Variants in DNAH11 observed in about 807,000 individuals in gnomAD.
The protein encoded by DNAH11 is dynein axonemal heavy chain 11, also known as axonemal beta dynein heavy chain 11.
A neutral mutation model predicts 526.0 loss-of-function variants in DNAH11; 442 were observed. The ratio of observed to expected loss-of-function variants is 0.84; its 90% CI spans 0.78 to 0.91. DNAH11 has a LOEUF of 0.91. Among genes scored for constraint, DNAH11 ranks in the 40% least tolerant of loss-of-function variants. The pLI is 0.00. For synonymous variants in DNAH11, 2,461 were observed against 1,935.9 expected (o/e 1.27, Z -7.12); for missense variants, 6,989 against 5,448.7 (o/e 1.28, Z -8.90).
intron 58 of DNAH11, among the ~76,000 whole-genome samples, chr7:21,785,060 G>A (rs1462196706): frequency 1.3e-5 from 2 of 152,186 alleles, no homozygotes; most frequent in Non-Finnish European, 1.5e-5. Context: ...AAAGTAAGCT[G>A]TGTTCATCAC....
chr7:21,830,163 AAAT>A (rs1450518785), intron 65 of DNAH11, among the ~76,000 whole-genome samples: 1 of 152,222 alleles, frequency 6.6e-6, no homozygotes, highest in African/African-American at 2.4e-5. Context: ...CATTATTATA[AAAT>A]AATTCATTTG....
intron 67 of DNAH11, among the ~76,000 whole-genome samples, chr7:21,853,589 A>G (rs1390225396): frequency 6.6e-6 from 1 of 152,212 alleles, no homozygotes; most frequent in Non-Finnish European, 1.5e-5. Flanking sequence ...ATACACAAAT[A>G]TTATGAGTCA....
At chr7:21,546,684 C>T (rs1474118800) in intron 2 of DNAH11, among the ~76,000 whole-genome samples, 1 of 152,180 alleles carries the variant, frequency 6.6e-6, no homozygotes, top group Non-Finnish European at 1.5e-5. Flanking sequence ...TATAAAATGT[C>T]ATATGGTTAT....
intron 28 of DNAH11, among the ~76,000 whole-genome samples, chr7:21,653,491 G>A (rs564638045): frequency 4.0e-4 from 61 of 152,150 alleles, no homozygotes; most frequent in Non-Finnish European, 7.5e-4. Context: ...CACCCAAGCC[G>A]TAATGTGTGA....
intron 45 of DNAH11, among the ~76,000 whole-genome samples, chr7:21,731,156 CTA>C (rs142034555): frequency 5.5e-4 from 84 of 151,660 alleles, no homozygotes; most frequent in Non-Finnish European, 8.8e-4. Context: ...AAAAAAAAAA[CTA>C]TGTGAATTGT....
At chr7:21,719,090 G>A (rs6965117) in intron 43 of DNAH11, among the ~76,000 whole-genome samples, 84,242 of 152,018 alleles carry the variant, frequency 0.55, 23,576 homozygotes, top group African/African-American at 0.64. Context: ...TTCCATTCAA[G>A]AGTAGTGTGA....
At chr7:21,854,185 T>C in intron 67 of DNAH11, 130 bp from the exon 68 acceptor site, 1 of 888,692 alleles carries the variant, frequency 1.1e-6, no homozygotes, top group Non-Finnish European at 1.7e-6. Flanking sequence ...CTCGAGCACA[T>C]GGATGCCATG....
At chr7:21,710,008 G>A (rs1456496499) in intron 40 of DNAH11, among the ~76,000 whole-genome samples, 1 of 152,196 alleles carries the variant, frequency 6.6e-6, no homozygotes, top group Non-Finnish European at 1.5e-5. Context: ...AAAAGGGACT[G>A]TAGATTTAAA....
In DNAH11 at chr7:21,789,337, C is replaced by T. The variant is rs762424155; in HGVS notation, c.10021C>T (p.Leu3341Phe). 6.4e-7 allele frequency: 1 copy of T among 1,564,332 alleles called. No individual in the cohort carries two copies. The highest frequency in any genetic ancestry group is 1.4e-5 in the African/African-American group (1 of 73,630). Residue 3341 changes from leucine to phenylalanine, a missense_variant, in exon 61 of 82, where the codon CTT becomes TTT. By Grantham distance (22) the Leu-to-Phe change is conservative. Transcript: ENST00000409508. The stretch of plus-strand genomic sequence containing the variant: ...AAAACTAGAGGCTATCAGGAAAAAG[C>T]TTGTGGTGAGTGCAAACTATGACAT... Reference protein sequence around the residue: ...TEKLEAIRKKLVDLDRNLSRL... With the variant: ...TEKLEAIRKKFVDLDRNLSRL...
intron 80 of DNAH11, 137 bp from the exon 81 acceptor site, chr7:21,899,843 T>A: frequency 9.4e-7 from 1 of 1,064,238 alleles, no homozygotes; most frequent in Non-Finnish European, 1.3e-6. Flanking sequence ...AACCCCCTGC[T>A]CCAGCGCAGC....
In DNAH11 at chr7:21,543,425, C is replaced by T. The variant is rs781089233; in HGVS notation, c.180C>T (p.Arg60=). 105 of 1,556,386 alleles carry T rather than the reference C, an allele frequency of 6.7e-5. No homozygotes were observed. In the East Asian group the frequency reaches 1.0e-3, roughly 15 times the overall value. The change falls in exon 1 of 82, where the codon CGC becomes CGT. Residue 60 remains arginine, a synonymous_variant. Coordinates refer to ENST00000409508, the MANE Select transcript of DNAH11 (RefSeq NM_001277115.2). ...ARSFAQDARV[R]FLGGRLAMML... is the part of the protein sequence containing the mutation. ...GTTTCGCCCAAGACGCGCGGGTGCG[C>T]TTCCTCGGCGGCCGCCTGGCGATGA...
chr7:21,603,503 T>G (rs967679491), intron 18 of DNAH11, among the ~76,000 whole-genome samples: 1 of 152,242 alleles, frequency 6.6e-6, no homozygotes, highest in Non-Finnish European at 1.5e-5. Flanking sequence ...AGTGGCTGTT[T>G]TGTTTTATAT....
intron 54 of DNAH11, among the ~76,000 whole-genome samples, chr7:21,759,168 C>T (rs963321747): frequency 6.6e-6 from 1 of 152,154 alleles, no homozygotes; most frequent in African/African-American, 2.4e-5. Context: ...AATAGGTTTG[C>T]TCTTTGCTAT....
intron 28 of DNAH11, among the ~76,000 whole-genome samples, chr7:21,640,931 C>T (rs1227978858): frequency 2.6e-5 from 4 of 152,126 alleles, no homozygotes; most frequent in African/African-American, 7.2e-5. Flanking sequence ...AATGACCGCT[C>T]CTGCTTCCCT....
At chr7:21,754,847 A>G (rs1786561655) in intron 54 of DNAH11, among the ~76,000 whole-genome samples, 1 of 152,168 alleles carries the variant, frequency 6.6e-6, no homozygotes, top group African/African-American at 2.4e-5. Context: ...TTAGCCTGAA[A>G]ATACCAGCTT....
chr7:21,639,477 T>A (rs1388728303), intron 28 of DNAH11, among the ~76,000 whole-genome samples: 1 of 152,202 alleles, frequency 6.6e-6, no homozygotes, highest in Non-Finnish European at 1.5e-5. Context: ...TTCATAATTA[T>A]GACATTGGGC....
intron 56 of DNAH11, among the ~76,000 whole-genome samples, chr7:21,774,801 G>A (rs1048656722): frequency 3.3e-5 from 5 of 152,190 alleles, no homozygotes; most frequent in African/African-American, 1.2e-4. Context: ...AGACTTTGAA[G>A]AGTAGCCCAG....
intron 30 of DNAH11, among the ~76,000 whole-genome samples, chr7:21,661,709 G>C (rs1782248588): frequency 6.6e-6 from 1 of 152,064 alleles, no homozygotes; most frequent in Non-Finnish European, 1.5e-5. Flanking sequence ...TGTGACTATG[G>C]ACAAGCTATT....
intron 30 of DNAH11, among the ~76,000 whole-genome samples, chr7:21,666,963 C>T (rs575704563): frequency 6.6e-6 from 1 of 152,110 alleles, no homozygotes; most frequent in East Asian, 1.9e-4. Context: ...ATGCTAGGAA[C>T]ACATGAAATT....
Sources: gnomAD v4.1 joint callset for allele counts (sites outside exome capture counted in the v4.1 genomes callset) on GRCh38, gnomAD v4.1.1 for gene constraint, MANE v1.5 for transcripts, NCBI Gene and HGNC (gene_info 2026-07-23, HGNC 2026-07-21) for gene names.